CADM2: variants seen among roughly 807,000 people sequenced by gnomAD.
The protein encoded by CADM2 is cell adhesion molecule 2.
Under a neutral mutation model 49.8 loss-of-function variants are expected in CADM2, and 12 were observed. The observed-to-expected ratio is 0.24, with a 90% CI of 0.15 to 0.39. CADM2 has a LOEUF of 0.39. Among genes scored for constraint, CADM2 ranks in the 10% least tolerant of loss-of-function variants. The pLI, the probability that CADM2 is intolerant of heterozygous loss-of-function variation, is 1.00. For synonymous variants in CADM2, 214 were observed against 175.4 expected (o/e 1.22, Z -1.74); for missense variants, 378 against 492.3 (o/e 0.77, Z 2.20).
intron 1 of CADM2, among the ~76,000 whole-genome samples, chr3:85,687,177 A>T (rs570902603): frequency 6.0e-4 from 92 of 152,322 alleles, no homozygotes; most frequent in African/African-American, 2.1e-3. Context: ...ATGTCACAAA[A>T]TTTTTTTAAC....
intron 7 of CADM2, among the ~76,000 whole-genome samples, chr3:85,955,834 C>T (rs1277471782): frequency 6.6e-6 from 1 of 151,470 alleles, no homozygotes; most frequent in African/African-American, 2.4e-5. Flanking sequence ...AAAATCTGTT[C>T]AGATTGAAAA....
intron 1 of CADM2, among the ~76,000 whole-genome samples, chr3:85,447,082 T>A (rs1400262000): frequency 6.8e-6 from 1 of 147,780 alleles, no homozygotes; most frequent in Non-Finnish European, 1.5e-5. Flanking sequence ...ATAATTCATA[T>A]GGTAATACAA....
chr3:85,575,591 A>G (rs1282675894), intron 1 of CADM2, among the ~76,000 whole-genome samples: 1 of 152,144 alleles, frequency 6.6e-6, no homozygotes, highest in Non-Finnish European at 1.5e-5. Flanking sequence ...AAAATAAATG[A>G]TTGAAATAGT....
At chr3:85,037,174 AAAAAC>A (rs1408486368) in intron 1 of CADM2, among the ~76,000 whole-genome samples, 3 of 152,110 alleles carry the variant, frequency 2.0e-5, no homozygotes, top group Non-Finnish European at 4.4e-5. Flanking sequence ...CATCTCTAAA[AAAAAC>A]AAACAAACAA....
At chr3:85,251,154 T>G (rs2042764731) in intron 1 of CADM2, among the ~76,000 whole-genome samples, 1 of 151,898 alleles carries the variant, frequency 6.6e-6, no homozygotes, top group South Asian at 2.1e-4. Flanking sequence ...TGAATATGCA[T>G]TTTTTCAATT....
At chr3:85,613,362 T>A (rs1393531666) in intron 1 of CADM2, among the ~76,000 whole-genome samples, 3 of 151,708 alleles carry the variant, frequency 2.0e-5, no homozygotes, top group African/African-American at 7.2e-5. Context: ...AAAATTGGAA[T>A]TGCATTACAT....
intron 1 of CADM2, among the ~76,000 whole-genome samples, chr3:85,530,609 G>A (rs9847870): frequency 0.87 from 132,582 of 151,830 alleles, 58,036 homozygotes; most frequent in East Asian, 0.95. Context: ...GATTACAGGC[G>A]TGAGCCACTG....
At chr3:85,462,031 G>A (rs2038270496) in intron 1 of CADM2, among the ~76,000 whole-genome samples, 1 of 152,042 alleles carries the variant, frequency 6.6e-6, no homozygotes, top group Non-Finnish European at 1.5e-5. Context: ...TAACAGGAGA[G>A]GAGGGCAATT....
intron 3 of CADM2, among the ~76,000 whole-genome samples, chr3:85,851,597 A>C (rs2075111676): frequency 6.7e-6 from 1 of 150,310 alleles, no homozygotes; most frequent in Non-Finnish European, 1.5e-5. Flanking sequence ...AGCTTAATAT[A>C]AATTTACTGA....
intron 1 of CADM2, among the ~76,000 whole-genome samples, chr3:85,257,884 A>C (rs1392023535): frequency 6.6e-6 from 1 of 152,136 alleles, no homozygotes; most frequent in Non-Finnish European, 1.5e-5. Context: ...GACCGCTGAT[A>C]CTTTAGAAAC....
intron 1 of CADM2, among the ~76,000 whole-genome samples, chr3:85,475,095 C>A (rs2107616097): frequency 6.6e-6 from 1 of 151,986 alleles, no homozygotes; most frequent in East Asian, 1.9e-4. Flanking sequence ...ATGCTTAGGA[C>A]AATTTTTTCC....
intron 1 of CADM2, among the ~76,000 whole-genome samples, chr3:85,602,152 G>T (rs939688850): frequency 6.6e-6 from 1 of 151,762 alleles, no homozygotes; most frequent in Non-Finnish European, 1.5e-5. Flanking sequence ...AGGTAAATTT[G>T]TTTAAGAGTG....
At chr3:85,804,568 A>T (rs2072281469) in intron 3 of CADM2, among the ~76,000 whole-genome samples, 2 of 152,210 alleles carry the variant, frequency 1.3e-5, no homozygotes, top group South Asian at 4.1e-4. Context: ...GATTTTTAAG[A>T]GTCATGTTTA....
chr3:85,694,375 G>A (rs925983553), intron 1 of CADM2, among the ~76,000 whole-genome samples: 6 of 152,112 alleles, frequency 3.9e-5, no homozygotes, highest in African/African-American at 1.4e-4. Flanking sequence ...CAGAGAAAAG[G>A]CCATGTAAAA....
chr3:85,976,752 A>C (rs1287589958), intron 8 of CADM2, among the ~76,000 whole-genome samples: 1 of 151,628 alleles, frequency 6.6e-6, no homozygotes, highest in Admixed American at 6.6e-5. Flanking sequence ...TTTTAGCCAC[A>C]TATGATGTCA....
At chr3:86,049,017 G>C (rs933985963) in intron 8 of CADM2, among the ~76,000 whole-genome samples, 2 of 151,930 alleles carry the variant, frequency 1.3e-5, no homozygotes, top group African/African-American at 4.8e-5. Flanking sequence ...CTTTAGTAAA[G>C]AATTGTTGTA....
intron 1 of CADM2, among the ~76,000 whole-genome samples, chr3:85,329,817 T>C (rs1223540787): frequency 6.6e-6 from 1 of 152,098 alleles, no homozygotes; most frequent in Non-Finnish European, 1.5e-5. Flanking sequence ...CATGACTATT[T>C]TTTTGAGACA....
intron 1 of CADM2, among the ~76,000 whole-genome samples, chr3:85,309,758 G>A (rs1179123402): frequency 1.3e-5 from 2 of 152,038 alleles, no homozygotes; most frequent in Admixed American, 6.6e-5. Context: ...CTGTAGATTC[G>A]CTAGGCTTTA....
At chr3:86,062,913 G>C (rs1431543820) in intron 8 of CADM2, among the ~76,000 whole-genome samples, 2 of 151,476 alleles carry the variant, frequency 1.3e-5, no homozygotes, top group Admixed American at 1.3e-4. Context: ...AGGCTTACAT[G>C]TGTGAGGTAT....
Sources: gnomAD v4.1 joint callset for allele counts (sites outside exome capture counted in the v4.1 genomes callset) on GRCh38, gnomAD v4.1.1 for gene constraint, MANE v1.5 for transcripts, NCBI Gene and HGNC (gene_info 2026-07-23, HGNC 2026-07-21) for gene names.